AKAP19: variants seen among roughly 807,000 people sequenced by gnomAD.
AKAP19 encodes the protein A-kinase anchoring protein 19, also known as small A-kinase anchoring protein.
chr2:190,040,958 A>T, the AKAP19 span, among the ~76,000 whole-genome samples: 1 of 152,130 alleles, frequency 6.6e-6, no homozygotes, highest in Non-Finnish European at 1.5e-5. Context: ...AGGTAAAGTG[A>T]TGCCTCCCAT....
chr2:189,893,355 C>T, the AKAP19 span, among the ~76,000 whole-genome samples: 2 of 152,166 alleles, frequency 1.3e-5, no homozygotes, highest in Non-Finnish European at 2.9e-5. Context: ...GGCGTAGGCA[C>T]CTGAAGGAAT....
chr2:190,127,059 A>G, the AKAP19 span, among the ~76,000 whole-genome samples: 1 of 152,180 alleles, frequency 6.6e-6, no homozygotes, highest in African/African-American at 2.4e-5. Context: ...AAGGTGTAGC[A>G]CTGTTAAGGG....
chr2:190,077,414 G>A, the AKAP19 span, among the ~76,000 whole-genome samples: 629 of 150,868 alleles, frequency 4.2e-3, 4 homozygotes, highest in Middle Eastern at 0.01. Flanking sequence ...GTTTAGCCAT[G>A]TTGGCCAGGC....
the AKAP19 span, among the ~76,000 whole-genome samples, chr2:189,993,492 G>A: frequency 6.6e-6 from 1 of 152,068 alleles, no homozygotes; most frequent in Non-Finnish European, 1.5e-5. Flanking sequence ...TCTAGTTTTG[G>A]TATTAGGGTG....
chr2:190,181,628 G>A, the AKAP19 span, among the ~76,000 whole-genome samples: 2 of 152,138 alleles, frequency 1.3e-5, no homozygotes, highest in Non-Finnish European at 2.9e-5. Flanking sequence ...CGGAACAATT[G>A]GAGTTGTCTC....
chr2:190,038,179 GC>G, the AKAP19 span, among the ~76,000 whole-genome samples: 1 of 152,172 alleles, frequency 6.6e-6, no homozygotes, highest in Non-Finnish European at 1.5e-5. Flanking sequence ...AATATTGCTG[GC>G]TTCACCTAAT....
chr2:189,904,100 T>G, the AKAP19 span, among the ~76,000 whole-genome samples: 1 of 152,108 alleles, frequency 6.6e-6, no homozygotes, highest in Admixed American at 6.6e-5. Flanking sequence ...TGTACAACTT[T>G]TAATAACATT....
chr2:190,181,220 G>C, the AKAP19 span: 1 of 916,468 alleles, frequency 1.1e-6, no homozygotes, highest in African/African-American at 1.8e-5. Flanking sequence ...ATGAGTTACA[G>C]GAGGCTTTAA....
At chr2:190,003,022 T>C in the AKAP19 span, among the ~76,000 whole-genome samples, 14 of 152,164 alleles carry the variant, frequency 9.2e-5, no homozygotes, top group Non-Finnish European at 2.1e-4. Flanking sequence ...CTAGTTTTTC[T>C]CTTAAAGGTT....
At chr2:190,180,064 A>C in the AKAP19 span, among the ~76,000 whole-genome samples, 1 of 152,254 alleles carries the variant, frequency 6.6e-6, no homozygotes, top group Non-Finnish European at 1.5e-5. The surrounding 1 kb of genome is among the most constrained non-coding windows in gnomAD (Gnocchi z 6.8). Context: ...AAAGAGAAAC[A>C]CGCTTGGAAA....
the AKAP19 span, among the ~76,000 whole-genome samples, chr2:189,914,239 G>C: frequency 6.6e-6 from 1 of 152,004 alleles, no homozygotes; most frequent in East Asian, 1.9e-4. Context: ...TTAATATTTA[G>C]AGATCTAGTT....
At chr2:189,948,644 C>T in the AKAP19 span, among the ~76,000 whole-genome samples, 1 of 152,092 alleles carries the variant, frequency 6.6e-6, no homozygotes, top group Non-Finnish European at 1.5e-5. Context: ...TATCAATTGC[C>T]TTATGACTTT....
At chr2:190,099,756 C>G in the AKAP19 span, among the ~76,000 whole-genome samples, 4 of 152,162 alleles carry the variant, frequency 2.6e-5, no homozygotes, top group Admixed American at 6.5e-5. Context: ...ATGCTCCATA[C>G]TTTTCTTGAT....
the AKAP19 span, among the ~76,000 whole-genome samples, chr2:189,971,462 A>G: frequency 6.6e-6 from 1 of 152,168 alleles, no homozygotes; most frequent in African/African-American, 2.4e-5. Context: ...ATGTGTCTTT[A>G]TAGCAGCGTG....
At chr2:189,884,643 A>G in the AKAP19 span, among the ~76,000 whole-genome samples, 3 of 152,208 alleles carry the variant, frequency 2.0e-5, no homozygotes, top group Non-Finnish European at 2.9e-5. Flanking sequence ...AAAATGTCCA[A>G]TCCTCTGCCC....
the AKAP19 span, among the ~76,000 whole-genome samples, chr2:189,976,387 A>C: frequency 6.6e-6 from 1 of 152,140 alleles, no homozygotes. Context: ...GTCTGCCCCT[A>C]CTGGGGGGTG....
chr2:190,076,684 T>G, the AKAP19 span, among the ~76,000 whole-genome samples: 1 of 152,210 alleles, frequency 6.6e-6, no homozygotes, highest in South Asian at 2.1e-4. Context: ...TGTCTTACTC[T>G]TTGGCTACTT....
chr2:190,109,860 A>G, the AKAP19 span, among the ~76,000 whole-genome samples: 3 of 152,350 alleles, frequency 2.0e-5, no homozygotes, highest in African/African-American at 7.2e-5. Context: ...TGGTTCACTT[A>G]GATATCCATG....
chr2:189,898,333 G>A, the AKAP19 span, among the ~76,000 whole-genome samples: 1 of 152,154 alleles, frequency 6.6e-6, no homozygotes, highest in Admixed American at 6.5e-5. Flanking sequence ...ATAAACTCAT[G>A]TAGAGAGCTA....
Sources: gnomAD v4.1 joint callset for allele counts (sites outside exome capture counted in the v4.1 genomes callset) on GRCh38, gnomAD v4.1.1 for gene constraint, Gnocchi (gnomAD v3.1) non-coding constraint, MANE v1.5 for transcripts, NCBI Gene and HGNC (gene_info 2026-07-23, HGNC 2026-07-21) for gene names.